The following ROBO2 variants were observed in gnomAD, a reference collection of about 807,000 sequenced individuals.
The protein encoded by ROBO2 is roundabout guidance receptor 2, also known as roundabout homolog 2.
In ROBO2, 53 loss-of-function variants were observed where a neutral mutation model predicts 160.8. The observed-to-expected ratio is 0.33, with a 90% CI of 0.26 to 0.41. The LOEUF is 0.41. Among genes scored for constraint, ROBO2 ranks in the 10% least tolerant of loss-of-function variants. The pLI is 1.00. For synonymous variants in ROBO2, 664 were observed against 611.7 expected, an observed-to-expected ratio of 1.09 and a Z score of -1.26; for missense variants, 1,577 against 1,722.4, an observed-to-expected ratio of 0.92 and a Z score of 1.49.
intron 7 of ROBO2, 79 bp from the exon 9 acceptor site, chr3:77,550,739 C>A: frequency 2.8e-6 from 4 of 1,439,498 alleles, no homozygotes; most frequent in Non-Finnish European, 3.9e-6. Flanking sequence ...CACTGTATTC[C>A]TTAATTGTAG....
chr3:76,862,047 G>A (rs1265571526), intron 2 of ROBO2, among the ~76,000 whole-genome samples: 1 of 151,776 alleles, frequency 6.6e-6, no homozygotes, highest in Non-Finnish European at 1.5e-5. Context: ...TCTGGCTGTA[G>A]TCCAAAAGTT....
intron 2 of ROBO2, among the ~76,000 whole-genome samples, chr3:76,721,381 T>C (rs2093464549): frequency 6.6e-6 from 1 of 152,212 alleles, no homozygotes; most frequent in Non-Finnish European, 1.5e-5. Context: ...CTGATGAGTC[T>C]TTTGGCTCTT....
chr3:76,797,416 A>C (rs2063783870), intron 2 of ROBO2, among the ~76,000 whole-genome samples: 1 of 152,058 alleles, frequency 6.6e-6, no homozygotes, highest in African/African-American at 2.4e-5. Context: ...ACATACCAAA[A>C]CCTATGGCAT....
intron 2 of ROBO2, among the ~76,000 whole-genome samples, chr3:76,184,370 C>G (rs1236040017): frequency 2.0e-5 from 3 of 152,026 alleles, no homozygotes; most frequent in Admixed American, 2.0e-4. Flanking sequence ...TGCAATGGCC[C>G]TTGAGGTCTA....
chr3:76,187,972 A>G (rs1701840742), intron 2 of ROBO2, among the ~76,000 whole-genome samples: 1 of 152,136 alleles, frequency 6.6e-6, no homozygotes, highest in African/African-American at 2.4e-5. Flanking sequence ...CATAATTTCT[A>G]AACTCACTTA....
intron 2 of ROBO2, among the ~76,000 whole-genome samples, chr3:77,316,416 A>G (rs2063995967): frequency 6.6e-6 from 1 of 152,170 alleles, no homozygotes; most frequent in Non-Finnish European, 1.5e-5. Flanking sequence ...TTCTCAGGAA[A>G]TCACAGTTTC....
chr3:76,488,280 A>C (rs1171752572), intron 2 of ROBO2, among the ~76,000 whole-genome samples: 1 of 152,192 alleles, frequency 6.6e-6, no homozygotes, highest in Non-Finnish European at 1.5e-5. Flanking sequence ...TTTGGGGGCT[A>C]TCTTATGACC....
At chr3:77,191,368 C>T (rs930355340) in intron 2 of ROBO2, among the ~76,000 whole-genome samples, 3 of 152,030 alleles carry the variant, frequency 2.0e-5, no homozygotes, top group African/African-American at 7.2e-5. Context: ...GCCTTAATTG[C>T]TCAGGGACTC....
At chr3:76,890,985 T>C (rs899328247) in intron 2 of ROBO2, among the ~76,000 whole-genome samples, 3 of 152,194 alleles carry the variant, frequency 2.0e-5, no homozygotes, top group African/African-American at 7.2e-5. Context: ...CAAATCTTTC[T>C]TTTCTGAGCT....
chr3:77,419,412 A>G (rs1353177170), intron 2 of ROBO2, among the ~76,000 whole-genome samples: 1 of 152,258 alleles, frequency 6.6e-6, no homozygotes, highest in East Asian at 1.9e-4. Flanking sequence ...ATCTATAAAC[A>G]TTTGCTTGTG....
intron 2 of ROBO2, among the ~76,000 whole-genome samples, chr3:76,932,637 G>A (rs912124567): frequency 3.4e-4 from 52 of 152,206 alleles, no homozygotes; most frequent in African/African-American, 1.2e-3. Context: ...AAAGAAGCAA[G>A]ACCTTTATTT....
intron 2 of ROBO2, among the ~76,000 whole-genome samples, chr3:76,165,478 T>C (rs2072800888): frequency 6.6e-6 from 1 of 152,162 alleles, no homozygotes; most frequent in Admixed American, 6.6e-5. Context: ...CCAATAAAAC[T>C]TTCTCCATAT....
intron 2 of ROBO2, among the ~76,000 whole-genome samples, chr3:76,643,095 T>A (rs1016458751): frequency 6.6e-6 from 1 of 152,196 alleles, no homozygotes; most frequent in Non-Finnish European, 1.5e-5. Context: ...AGGTCCTTTT[T>A]ATCATCGAAA....
chr3:77,108,980 G>A (rs373115228), intron 2 of ROBO2, among the ~76,000 whole-genome samples: 26 of 152,094 alleles, frequency 1.7e-4, no homozygotes, highest in African/African-American at 6.3e-4. Flanking sequence ...ACAGTGTGGG[G>A]TAGATGGGAG....
chr3:77,089,970 G>C (rs992565490), intron 1 of ROBO2, among the ~76,000 whole-genome samples: 2 of 152,156 alleles, frequency 1.3e-5, no homozygotes, highest in Admixed American at 6.5e-5. Context: ...AGCATTTGCA[G>C]TGGCACTGAG....
chr3:77,032,814 AG>A (rs34219504), intron 2 of ROBO2, among the ~76,000 whole-genome samples: 45,108 of 152,028 alleles, frequency 0.3, 9,571 homozygotes, highest in African/African-American at 0.6. Context: ...CAGAGCGCCA[AG>A]GGGGTAAGGT....
rs145560387 is a variant in ROBO2, at chr3:77,553,191, T to C, written c.1231+2202T>C. Among the ~76,000 whole-genome samples the C allele has an allele frequency of 8.5e-5, 13 of 152,074 alleles. No individual in the cohort carries two copies. In the East Asian group the frequency reaches 2.5e-3, roughly 30 times the overall value. On this transcript the variant is annotated intron_variant, in intron 8 of 25. Transcript: ENST00000461745. ...CAAACAATGCCATTATTATTCCATC[T>C]GTTATGGTGGTGGTCTGTGATCAGT...
At chr3:76,259,899 C>CA (rs1307393879) in intron 2 of ROBO2, among the ~76,000 whole-genome samples, 1 of 152,136 alleles carries the variant, frequency 6.6e-6, no homozygotes, top group Non-Finnish European at 1.5e-5. Flanking sequence ...TGTCTGCTGG[C>CA]AGCATCAGTG....
At chr3:77,081,810 C>A (rs1578800540) in intron 1 of ROBO2, among the ~76,000 whole-genome samples, 3 of 152,170 alleles carry the variant, frequency 2.0e-5, no homozygotes, top group African/African-American at 7.2e-5. Flanking sequence ...GTTCCTTATT[C>A]AGGCTGACCT....
Sources: gnomAD v4.1 joint callset for allele counts (sites outside exome capture counted in the v4.1 genomes callset) on GRCh38, gnomAD v4.1.1 for gene constraint, MANE v1.5 for transcripts, NCBI Gene and HGNC (gene_info 2026-07-23, HGNC 2026-07-21) for gene names.